The following THSD7B variants were observed in gnomAD, a reference collection of about 807,000 sequenced individuals.
THSD7B encodes thrombospondin type 1 domain containing 7B, also known as thrombospondin type-1 domain-containing protein 7B.
Under a neutral mutation model 213.6 loss-of-function variants are expected in THSD7B, and 138 were observed. The ratio of observed to expected loss-of-function variants is 0.65; its 90% CI spans 0.56 to 0.74. The LOEUF is 0.74. Among genes scored for constraint, THSD7B ranks in the 30% least tolerant of loss-of-function variants. THSD7B has a pLI of 0.00. For synonymous variants in THSD7B, 742 were observed against 687.0 expected (o/e 1.08, Z -1.25); for missense variants, 1,931 against 1,991.5 (o/e 0.97, Z 0.58).
At chr2:137,641,973 G>A (rs1682947511) in intron 20 of THSD7B, among the ~76,000 whole-genome samples, 1 of 152,122 alleles carries the variant, frequency 6.6e-6, no homozygotes, top group Non-Finnish European at 1.5e-5. Flanking sequence ...TGGATGATGT[G>A]TGATTTTTAC....
At chr2:137,371,701 T>C (rs1685537832) in intron 12 of THSD7B, among the ~76,000 whole-genome samples, 1 of 152,174 alleles carries the variant, frequency 6.6e-6, no homozygotes, top group Non-Finnish European at 1.5e-5. Context: ...TTCATCTATG[T>C]GTTCTTTTAC....
intron 2 of THSD7B, among the ~76,000 whole-genome samples, chr2:137,006,930 A>C (rs1435341687): frequency 1.3e-5 from 2 of 152,226 alleles, no homozygotes; most frequent in Admixed American, 6.5e-5. Context: ...TCAAAAACTG[A>C]CATATAAAAA....
At chr2:137,100,145 A>C (rs1688122647) in intron 4 of THSD7B, among the ~76,000 whole-genome samples, 1 of 152,036 alleles carries the variant, frequency 6.6e-6, no homozygotes, top group East Asian at 1.9e-4. Flanking sequence ...TTAGTTGATG[A>C]ATTTTTAGAT....
chr2:137,003,214 A>G (rs1045638132), intron 2 of THSD7B, among the ~76,000 whole-genome samples: 3 of 152,178 alleles, frequency 2.0e-5, no homozygotes, highest in Non-Finnish European at 1.5e-5. Flanking sequence ...AAAATGTATG[A>G]CATATAAAAC....
intron 1 of THSD7B, among the ~76,000 whole-genome samples, chr2:136,780,478 T>G (rs1359775829): frequency 6.6e-6 from 1 of 152,198 alleles, no homozygotes; most frequent in Admixed American, 6.5e-5. Context: ...TGTGCATGTA[T>G]TTGTATTTTC....
chr2:137,059,100 T>C (rs1687223127), intron 3 of THSD7B, among the ~76,000 whole-genome samples: 1 of 152,192 alleles, frequency 6.6e-6, no homozygotes, highest in Admixed American at 6.5e-5. Flanking sequence ...TTGATTTAGT[T>C]CGTGATGAAG....
intron 12 of THSD7B, among the ~76,000 whole-genome samples, chr2:137,392,472 C>G (rs1325622662): frequency 6.6e-6 from 1 of 152,058 alleles, no homozygotes; most frequent in African/African-American, 2.4e-5. Flanking sequence ...TATCCTCTTA[C>G]TGAACTGATC....
chr2:137,039,511 T>A (rs970284753), intron 2 of THSD7B, among the ~76,000 whole-genome samples: 2 of 152,326 alleles, frequency 1.3e-5, no homozygotes, highest in South Asian at 4.1e-4. Context: ...ACAACAACTA[T>A]CTGGCCCCAA....
intron 20 of THSD7B, among the ~76,000 whole-genome samples, chr2:137,627,294 C>T (rs1682650100): frequency 6.6e-6 from 1 of 152,190 alleles, no homozygotes; most frequent in Admixed American, 6.5e-5. Flanking sequence ...TACCTCCCAA[C>T]CCCACTGCAA....
At chr2:137,668,808 G>A (rs1158313983) in intron 27 of THSD7B, among the ~76,000 whole-genome samples, 1 of 152,024 alleles carries the variant, frequency 6.6e-6, no homozygotes, top group Non-Finnish European at 1.5e-5. Flanking sequence ...AAAATCATAA[G>A]GAATACAAAA....
At chr2:136,831,249 T>G (rs975293008) in intron 1 of THSD7B, among the ~76,000 whole-genome samples, 1 of 151,762 alleles carries the variant, frequency 6.6e-6, no homozygotes, top group Non-Finnish European at 1.5e-5. Context: ...CAAATATGGA[T>G]CTCAGTTAAA....
At chr2:137,579,332 C>T (rs1681527033) in intron 17 of THSD7B, among the ~76,000 whole-genome samples, 1 of 152,152 alleles carries the variant, frequency 6.6e-6, no homozygotes, top group Non-Finnish European at 1.5e-5. Flanking sequence ...TTGGTTTTTT[C>T]CTGCCATTAT....
Position 137,671,251 on chromosome 2 carries a change from A to T in THSD7B, c.4739+3390A>T, listed in dbSNP as rs867087127. Among the ~76,000 whole-genome samples the T allele has an allele frequency of 4.1e-3, 234 of 56,406 alleles. 2 individuals are homozygous for T. The highest frequency in any genetic ancestry group is 4.8e-3 in the Non-Finnish European group (112 of 23,222). The allele number at this position is 56,406 out of a possible 152,430, so 37.0% of individuals were successfully genotyped here. On this transcript the variant is annotated intron_variant, in intron 27 of 27. Coordinates refer to ENST00000409968, the MANE Select transcript of THSD7B (RefSeq NM_001316349.2). ...TATGATTTGCTTTTTTTTTTTTAAAAAAAAAAAAAAAGCTTGTGGTATAAC... is the reference window on the plus strand; with the variant it reads ...TATGATTTGCTTTTTTTTTTTTAAATAAAAAAAAAAAGCTTGTGGTATAAC...
intron 12 of THSD7B, among the ~76,000 whole-genome samples, chr2:137,366,606 A>G (rs1685413801): frequency 6.6e-6 from 1 of 151,776 alleles, no homozygotes; most frequent in Non-Finnish European, 1.5e-5. Flanking sequence ...TCTTCAAAAG[A>G]TGCTATTGAC....
At chr2:137,353,103 G>T (rs1411957925) in intron 12 of THSD7B, among the ~76,000 whole-genome samples, 1 of 152,008 alleles carries the variant, frequency 6.6e-6, no homozygotes, top group Non-Finnish European at 1.5e-5. Context: ...GAGATGTTTT[G>T]TATTAGGCAG....
intron 12 of THSD7B, among the ~76,000 whole-genome samples, chr2:137,357,634 TG>T (rs2104929768): frequency 6.6e-6 from 1 of 152,276 alleles, no homozygotes; most frequent in East Asian, 1.9e-4. Context: ...TGGAAAGAAT[TG>T]GTGTTTGAAA....
intron 1 of THSD7B, among the ~76,000 whole-genome samples, chr2:136,805,181 AT>A: frequency 6.6e-6 from 1 of 152,088 alleles, no homozygotes; most frequent in South Asian, 2.1e-4. Flanking sequence ...TCCTTTACCT[AT>A]TTGCTTCTGA....
chr2:137,401,522 T>A (rs1216482746), intron 12 of THSD7B, among the ~76,000 whole-genome samples: 1 of 152,182 alleles, frequency 6.6e-6, no homozygotes, highest in Non-Finnish European at 1.5e-5. Flanking sequence ...TCCAGTGATC[T>A]TTTCACACTT....
At chr2:137,440,373 A>T (rs1322329548) in intron 14 of THSD7B, among the ~76,000 whole-genome samples, 1 of 151,918 alleles carries the variant, frequency 6.6e-6, no homozygotes, top group African/African-American at 2.4e-5. Flanking sequence ...CTCTTCCTAG[A>T]TCCCTTCATG....
Sources: gnomAD v4.1 joint callset for allele counts (sites outside exome capture counted in the v4.1 genomes callset) on GRCh38, gnomAD v4.1.1 for gene constraint, MANE v1.5 for transcripts, NCBI Gene and HGNC (gene_info 2026-07-23, HGNC 2026-07-21) for gene names.